Variants in GPC6 observed in about 807,000 individuals in gnomAD.
GPC6 encodes glypican 6, also known as glypican-6.
GPC6 carries 14 observed loss-of-function variants against 55.2 expected under a neutral mutation model. That is an observed-to-expected ratio of 0.25 (90% confidence interval 0.17 to 0.40). GPC6 has a LOEUF of 0.40. GPC6 is among the 10% of genes least tolerant of loss of function. GPC6 has a pLI of 1.00. For synonymous variants in GPC6, 278 were observed against 259.6 expected, an observed-to-expected ratio of 1.07 and a Z score of -0.68; for missense variants, 641 against 708.5, an observed-to-expected ratio of 0.90 and a Z score of 1.08.
chr13:93,949,372 T>C (rs1043431984), intron 3 of GPC6, among the ~76,000 whole-genome samples: 19 of 152,214 alleles, frequency 1.2e-4, no homozygotes, highest in Non-Finnish European at 2.6e-4. Context: ...CTCATGGTGA[T>C]AGTGAGTTTC....
At chr13:94,241,844 C>A (rs978036138) in intron 4 of GPC6, among the ~76,000 whole-genome samples, 1 of 152,016 alleles carries the variant, frequency 6.6e-6, no homozygotes, top group Non-Finnish European at 1.5e-5. Flanking sequence ...TTCTAGACAA[C>A]GAGATGTAAT....
At chr13:94,049,803 T>C (rs955299176) in intron 4 of GPC6, among the ~76,000 whole-genome samples, 7 of 152,166 alleles carry the variant, frequency 4.6e-5, no homozygotes, top group Non-Finnish European at 8.8e-5. Context: ...GTGGTTTGGC[T>C]GGGTCACCAC....
At position 94,004,064 on chromosome 13, in the gene GPC6, C is replaced by G. The variant is rs116269129; in HGVS notation, c.712-23665C>G. Among the ~76,000 whole-genome samples the G allele has an allele frequency of 4.4e-3, 676 of 152,216 alleles. 9 individuals are homozygous for G. The highest frequency in any genetic ancestry group is 0.016 in the African/African-American group (647 of 41,532). On this transcript the variant is annotated intron_variant, in intron 3 of 8. Transcript: ENST00000377047. Reference sequence around the variant, plus strand: ...GATCACCTTCTTCCATGTAACTTAGCATTTCATTGGCAAAATTGCATTAAT... The same window carrying G: ...GATCACCTTCTTCCATGTAACTTAGGATTTCATTGGCAAAATTGCATTAAT...
chr13:94,069,235 A>T (rs573332625), intron 4 of GPC6, among the ~76,000 whole-genome samples: 3 of 152,170 alleles, frequency 2.0e-5, no homozygotes, highest in Non-Finnish European at 4.4e-5. Context: ...CACACTCTGA[A>T]GCCATAGCCA....
chr13:93,385,122 G>T (rs1430441957), intron 1 of GPC6, among the ~76,000 whole-genome samples: 2 of 152,238 alleles, frequency 1.3e-5, no homozygotes, highest in African/African-American at 4.8e-5. Context: ...CTGGGAGACA[G>T]TCCTAGGCTG....
intron 1 of GPC6, among the ~76,000 whole-genome samples, chr13:93,311,777 T>C (rs1448252944): frequency 6.6e-6 from 1 of 152,194 alleles, no homozygotes; most frequent in Non-Finnish European, 1.5e-5. Flanking sequence ...AAGGTAGTGG[T>C]GGAAGCAGTG....
intron 1 of GPC6, among the ~76,000 whole-genome samples, chr13:93,379,662 A>C (rs1875075927): frequency 6.6e-6 from 1 of 152,126 alleles, no homozygotes; most frequent in Non-Finnish European, 1.5e-5. Flanking sequence ...TCTCGTAATA[A>C]AATGCTGTTG....
chr13:93,905,544 T>G (rs1440946566), intron 3 of GPC6, among the ~76,000 whole-genome samples: 1 of 152,242 alleles, frequency 6.6e-6, no homozygotes, highest in Non-Finnish European at 1.5e-5. Flanking sequence ...GTCAAATGCC[T>G]TATTTGTTCA....
At chr13:94,017,007 G>A (rs533605965) in intron 3 of GPC6, among the ~76,000 whole-genome samples, 13 of 152,068 alleles carry the variant, frequency 8.5e-5, no homozygotes, top group Middle Eastern at 3.4e-3. Flanking sequence ...GCTAATTTTT[G>A]TATTTTTAGT....
chr13:94,108,852 A>C (rs1212405147), intron 4 of GPC6, among the ~76,000 whole-genome samples: 1 of 127,136 alleles, frequency 7.9e-6, no homozygotes, highest in Admixed American at 7.8e-5. Context: ...CAAAAAAAAA[A>C]ACAAAAAAAA....
rs75978897 is a variant in GPC6 at position 93,587,862 on chromosome 13, G to A, written c.319+42441G>A. On this transcript the variant is annotated intron_variant, in intron 2 of 8. Coordinates refer to ENST00000377047, the MANE Select transcript of GPC6 (RefSeq NM_005708.5). ...GTTTAGGGAACACATAATGCGTTTC[G>A]AAATTTAAAATTGGTGCAAGGTAAG... Among the ~76,000 whole-genome samples, 886 of 152,248 alleles carry A rather than the reference G, an allele frequency of 5.8e-3. 10 individuals are homozygous for A. Among genetic ancestry groups the A allele is most frequent in the African/African-American group, 0.02 (847 of 41,538 alleles).
At chr13:93,716,233 A>T (rs565958380) in intron 2 of GPC6, among the ~76,000 whole-genome samples, 1 of 151,766 alleles carries the variant, frequency 6.6e-6, no homozygotes, top group African/African-American at 2.4e-5. Flanking sequence ...TGTTTTAATC[A>T]TTATTTCAGA....
chr13:93,557,994 A>G (rs182758521), intron 2 of GPC6, among the ~76,000 whole-genome samples: 2 of 152,236 alleles, frequency 1.3e-5, no homozygotes, highest in Admixed American at 6.5e-5. Context: ...AAGGGTCTTT[A>G]TCTATGACAT....
chr13:94,029,006 G>T (rs1883010355), intron 4 of GPC6, among the ~76,000 whole-genome samples: 1 of 152,186 alleles, frequency 6.6e-6, no homozygotes, highest in African/African-American at 2.4e-5. Context: ...AAATAGCAGT[G>T]GCATTTGTCA....
At chr13:93,272,712 C>T (rs9589698) in intron 1 of GPC6, among the ~76,000 whole-genome samples, 55,764 of 151,814 alleles carry the variant, frequency 0.37, 10,448 homozygotes, top group East Asian at 0.63. Flanking sequence ...TAAATGAGGT[C>T]ATAAATATTC....
chr13:94,104,467 C>G (rs1370791954), intron 4 of GPC6, among the ~76,000 whole-genome samples: 1 of 152,104 alleles, frequency 6.6e-6, no homozygotes. Flanking sequence ...AAGTTCTGGC[C>G]AGGGCAATTA....
At chr13:94,376,643 C>G (rs1481142749) in intron 6 of GPC6, among the ~76,000 whole-genome samples, 3 of 152,032 alleles carry the variant, frequency 2.0e-5, no homozygotes, top group African/African-American at 7.2e-5. Flanking sequence ...TTTACAGATT[C>G]AATGCCATCC....
intron 1 of GPC6, among the ~76,000 whole-genome samples, chr13:93,453,679 G>A (rs1395873524): frequency 6.6e-6 from 1 of 151,462 alleles, no homozygotes; most frequent in Non-Finnish European, 1.5e-5. Flanking sequence ...AGACCTTCGC[G>A]GTGTGTGTTA....
intron 2 of GPC6, among the ~76,000 whole-genome samples, chr13:93,605,481 A>G (rs1489653501): frequency 6.6e-6 from 1 of 152,160 alleles, no homozygotes; most frequent in African/African-American, 2.4e-5. Context: ...CCTGGAGATC[A>G]TTTTCAACCA....
Sources: allele counts gnomAD v4.1 joint callset (sites outside exome capture counted in the v4.1 genomes callset), GRCh38; gene constraint gnomAD v4.1.1; transcripts MANE v1.5; gene names NCBI Gene and HGNC (gene_info 2026-07-23, HGNC 2026-07-21).